The following PDGFRL variants were observed in gnomAD, a reference collection of about 807,000 sequenced individuals.
PDGFRL encodes the protein platelet derived growth factor receptor like.
Under a neutral mutation model 37.2 loss-of-function variants are expected in PDGFRL, and 46 were observed. The observed-to-expected ratio is 1.24, with a 90% CI of 0.98 to 1.58. The LOEUF (loss-of-function observed/expected upper bound fraction) is 1.58. PDGFRL is among the 40% of genes most tolerant of loss of function. The probability of loss-of-function intolerance (pLI) is 0.00; values close to 1 mark genes in which losing one functional copy is unlikely to be tolerated. For missense variants in PDGFRL, 692 were observed against 467.6 expected (o/e 1.48, Z -4.43); for synonymous variants, 251 against 184.3 (o/e 1.36, Z -2.93).
chr8:17,580,203 G>A (rs1236901826), intron 1 of PDGFRL, among the ~76,000 whole-genome samples: 1 of 152,098 alleles, frequency 6.6e-6, no homozygotes, highest in Non-Finnish European at 1.5e-5. Flanking sequence ...GAGGACTACA[G>A]ACATTCATTA....
At chr8:17,639,821 C>T (rs1466439373) in intron 5 of PDGFRL, among the ~76,000 whole-genome samples, 3 of 152,116 alleles carry the variant, frequency 2.0e-5, no homozygotes, top group African/African-American at 7.2e-5. Flanking sequence ...AGATGTGTAG[C>T]TCTCTAGCAA....
chr8:17,617,603 C>A (rs1447875673), intron 2 of PDGFRL, among the ~76,000 whole-genome samples: 1 of 152,170 alleles, frequency 6.6e-6, no homozygotes, highest in Non-Finnish European at 1.5e-5. Flanking sequence ...TAAATCCAGG[C>A]CCTGAAACTG....
chr8:17,623,217 T>C (rs1276141413), intron 3 of PDGFRL, among the ~76,000 whole-genome samples: 1 of 152,254 alleles, frequency 6.6e-6, no homozygotes, highest in African/African-American at 2.4e-5. Flanking sequence ...GTGTTTTTAC[T>C]GCCTTGAACC....
chr8:17,614,474 C>T (rs1372304746), intron 2 of PDGFRL, among the ~76,000 whole-genome samples: 1 of 152,150 alleles, frequency 6.6e-6, no homozygotes, highest in East Asian at 1.9e-4. Context: ...AAGCAAATAC[C>T]CACGAGTCTT....
intron 1 of PDGFRL, among the ~76,000 whole-genome samples, chr8:17,584,977 T>A (rs902929167): frequency 1.3e-5 from 2 of 151,226 alleles, no homozygotes; most frequent in Non-Finnish European, 3.0e-5. Flanking sequence ...AAGGGGTGGA[T>A]TATTCATGAG....
chr8:17,592,042 C>A (rs1442686083), intron 2 of PDGFRL, among the ~76,000 whole-genome samples: 1 of 152,182 alleles, frequency 6.6e-6, no homozygotes, highest in African/African-American at 2.4e-5. Context: ...ACATCATTAT[C>A]CACTTGGTTA....
chr8:17,593,331 C>T (rs892051971), intron 2 of PDGFRL, among the ~76,000 whole-genome samples: 1 of 152,098 alleles, frequency 6.6e-6, no homozygotes, highest in East Asian at 1.9e-4. Flanking sequence ...ATGACTCACA[C>T]CTGTAATCCC....
intron 2 of PDGFRL, among the ~76,000 whole-genome samples, chr8:17,608,671 T>G (rs1311037625): frequency 6.6e-6 from 1 of 152,068 alleles, no homozygotes; most frequent in East Asian, 1.9e-4. Flanking sequence ...AGAATGCTTA[T>G]GAGGGGGGAA....
At chr8:17,612,978 T>G (rs1804452591) in intron 2 of PDGFRL, among the ~76,000 whole-genome samples, 1 of 152,248 alleles carries the variant, frequency 6.6e-6, no homozygotes. Flanking sequence ...TGTAAAATTA[T>G]CAAAATATTC....
At chr8:17,611,659 T>C (rs1474831545) in intron 2 of PDGFRL, among the ~76,000 whole-genome samples, 1 of 152,140 alleles carries the variant, frequency 6.6e-6, no homozygotes, top group Non-Finnish European at 1.5e-5. Context: ...GCTTAAGGGC[T>C]GGGAGAGCAA....
intron 1 of PDGFRL, among the ~76,000 whole-genome samples, chr8:17,579,548 TTATTATTGTTA>T (rs1563500907): frequency 7.0e-4 from 48 of 68,526 alleles, no homozygotes; most frequent in Non-Finnish European, 1.0e-3. Context: ...TATTATTTTA[TTATTATTGTTA>T]TTATTATTAT....
At chr8:17,590,701 A>G (rs141582206) in intron 2 of PDGFRL, among the ~76,000 whole-genome samples, 1,559 of 151,948 alleles carry the variant, frequency 0.01, 28 homozygotes, top group African/African-American at 0.036. Flanking sequence ...GACAGAGTGA[A>G]ACTCCGTCTC....
intron 3 of PDGFRL, among the ~76,000 whole-genome samples, chr8:17,628,247 G>T (rs2440545): frequency 0.15 from 22,044 of 151,656 alleles, 1,853 homozygotes; most frequent in Admixed American, 0.22. Flanking sequence ...GCCCGCCTCA[G>T]CCTCCCAAAG....
At chr8:17,576,859 G>A (rs1457946748), upstream of PDGFRL, 4 of 258,422 alleles carry the variant, frequency 1.5e-5, no homozygotes, top group South Asian at 3.7e-4. Context: ...TGGGGCGGGC[G>A]CTGGTAACAT....
chr8:17,625,159 T>A (rs1286942747), intron 3 of PDGFRL, among the ~76,000 whole-genome samples: 2 of 131,314 alleles, frequency 1.5e-5, no homozygotes, highest in Non-Finnish European at 3.2e-5. Flanking sequence ...TTTTTGTTTT[T>A]TTGTCTTTTT....
intron 4 of PDGFRL, among the ~76,000 whole-genome samples, chr8:17,633,778 C>T (rs933267958): frequency 2.0e-5 from 3 of 152,304 alleles, no homozygotes; most frequent in Admixed American, 6.5e-5. Context: ...CCCCTCACCT[C>T]TTCATTCTCT....
At chr8:17,612,582 G>T (rs1185972685) in intron 2 of PDGFRL, among the ~76,000 whole-genome samples, 1 of 152,128 alleles carries the variant, frequency 6.6e-6, no homozygotes. Flanking sequence ...TATTGGCCAG[G>T]CTGGTCTCAA....
At position 17,583,843 on chromosome 8, in the gene PDGFRL, C is replaced by G. The variant is rs577537783; in HGVS notation, c.56-5625C>G. Among the ~76,000 whole-genome samples, 3 of 152,306 alleles carry G rather than the reference C, an allele frequency of 2.0e-5. No individual in the cohort carries two copies. In the East Asian group the frequency reaches 5.8e-4, roughly 29 times the overall value. The stretch of plus-strand genomic sequence containing the variant: ...CATGTGATCTCTGCATATACCTATT[C>G]TCCTTCACCTGTGCCACCAGTGGAA... On this transcript the variant is annotated intron_variant, in intron 1 of 5. Transcript: ENST00000251630.
At chr8:17,608,544 G>A (rs1191446041) in intron 2 of PDGFRL, among the ~76,000 whole-genome samples, 1 of 152,194 alleles carries the variant, frequency 6.6e-6, no homozygotes, top group Non-Finnish European at 1.5e-5. Context: ...AGAGCCGGAG[G>A]GGTGACCAGA....
Sources: gnomAD v4.1 joint callset for allele counts (sites outside exome capture counted in the v4.1 genomes callset) on GRCh38, gnomAD v4.1.1 for gene constraint, MANE v1.5 for transcripts, NCBI Gene and HGNC (gene_info 2026-07-23, HGNC 2026-07-21) for gene names.